Variants in VSNL1 observed in about 807,000 individuals in gnomAD.
The protein encoded by VSNL1 is visinin-like protein 1.
VSNL1 carries 6 observed loss-of-function variants against 20.4 expected under a neutral mutation model. That is an observed-to-expected ratio of 0.29 (90% CI 0.16 to 0.58). The LOEUF (loss-of-function observed/expected upper bound fraction) is 0.58, where lower values mean the gene tolerates loss of function less well. Ranked by LOEUF, VSNL1 falls within the 20% of genes least tolerant of loss-of-function variation. VSNL1 has a pLI of 0.90. For synonymous variants in VSNL1, 93 were observed against 86.4 expected, an observed-to-expected ratio of 1.08 and a Z score of -0.42; for missense variants, 100 against 234.5, an observed-to-expected ratio of 0.43 and a Z score of 3.75.
intron 2 of VSNL1, among the ~76,000 whole-genome samples, chr2:17,624,442 G>A (rs1665457067): frequency 6.6e-6 from 1 of 152,202 alleles, no homozygotes; most frequent in African/African-American, 2.4e-5. Context: ...TATGTTACAT[G>A]GCAAAGGTCA....
chr2:17,606,292 C>A (rs1386682987), intron 2 of VSNL1, among the ~76,000 whole-genome samples: 2 of 145,470 alleles, frequency 1.4e-5, no homozygotes. Context: ...GGATGAAATG[C>A]AGAGAAGTGA....
intron 1 of VSNL1, chr2:17,545,888 C>T (rs573192495): frequency 7.2e-5 from 11 of 152,206 alleles, no homozygotes; most frequent in African/African-American, 2.2e-4. Context: ...ACAATTCTTA[C>T]ACTTTCTCTG....
In VSNL1 at chr2:17,554,818, C is replaced by T. The variant is rs866416179; in HGVS notation, c.-6+13900C>T. On this transcript the variant is annotated intron_variant, in intron 1 of 3. Coordinates refer to ENST00000295156, the MANE Select transcript of VSNL1 (RefSeq NM_003385.5). ...ATCTATTACTAAGTTATATTTTCCTCCATTTTCAATATTGTTTTCTAATAG... is the reference window on the plus strand; with the variant it reads ...ATCTATTACTAAGTTATATTTTCCTTCATTTTCAATATTGTTTTCTAATAG... Among the ~76,000 whole-genome samples, 21 of 152,226 alleles carry T rather than the reference C, an allele frequency of 1.4e-4. No homozygotes were observed. In the South Asian group the frequency reaches 3.3e-3, roughly 24 times the overall value.
chr2:17,609,033 G>A (rs1213756034), intron 2 of VSNL1, among the ~76,000 whole-genome samples: 1 of 152,164 alleles, frequency 6.6e-6, no homozygotes, highest in Non-Finnish European at 1.5e-5. Flanking sequence ...ATTGATGTGG[G>A]TGCCTTAGTT....
intron 1 of VSNL1, among the ~76,000 whole-genome samples, chr2:17,543,440 C>G (rs1207423111): frequency 1.3e-5 from 2 of 152,218 alleles, no homozygotes; most frequent in Non-Finnish European, 2.9e-5. Context: ...ACTGCAGCTG[C>G]AGAGATTAGG....
chr2:17,567,063 C>G (rs1053030178), intron 1 of VSNL1, among the ~76,000 whole-genome samples: 3 of 152,074 alleles, frequency 2.0e-5, no homozygotes, highest in African/African-American at 7.2e-5. Flanking sequence ...TGGTCTTCCT[C>G]AAAGTTGTCT....
At chr2:17,627,886 G>C (rs1038965430) in intron 2 of VSNL1, among the ~76,000 whole-genome samples, 1 of 152,154 alleles carries the variant, frequency 6.6e-6, no homozygotes, top group Non-Finnish European at 1.5e-5. Context: ...TTTTGGGAAG[G>C]GCTATTATAT....
intron 1 of VSNL1, among the ~76,000 whole-genome samples, chr2:17,553,344 C>A (rs904553769): frequency 6.6e-6 from 1 of 152,104 alleles, no homozygotes; most frequent in Non-Finnish European, 1.5e-5. Flanking sequence ...GAAATTATCT[C>A]AAATTCAGAA....
intron 1 of VSNL1, among the ~76,000 whole-genome samples, chr2:17,551,320 A>G (rs1002769029): frequency 6.6e-6 from 1 of 152,212 alleles, no homozygotes; most frequent in African/African-American, 2.4e-5. Context: ...TTGAAATCCT[A>G]GTTAAGGAAA....
chr2:17,623,808 TC>T (rs1054657488), intron 2 of VSNL1, among the ~76,000 whole-genome samples: 3 of 152,100 alleles, frequency 2.0e-5, no homozygotes, highest in African/African-American at 7.2e-5. Context: ...TAAATTCAGA[TC>T]CTCTCCTTCC....
At chr2:17,550,236 C>G (rs1431619600) in intron 1 of VSNL1, among the ~76,000 whole-genome samples, 2 of 152,074 alleles carry the variant, frequency 1.3e-5, no homozygotes, top group Non-Finnish European at 2.9e-5. Context: ...TAAAATATGT[C>G]CCCTGTCTTC....
intron 2 of VSNL1, among the ~76,000 whole-genome samples, chr2:17,596,684 C>T (rs1251880115): frequency 6.6e-6 from 1 of 152,162 alleles, no homozygotes; most frequent in Non-Finnish European, 1.5e-5. Flanking sequence ...AGATTATTTT[C>T]ATCAGGAAAC....
At chr2:17,592,491 G>T (rs1558292675) in intron 2 of VSNL1, among the ~76,000 whole-genome samples, 1 of 152,102 alleles carries the variant, frequency 6.6e-6, no homozygotes, top group Admixed American at 6.6e-5. Context: ...ACAGCATCTG[G>T]TGAAAGAACC....
chr2:17,568,846 ATTAG>A (rs1220014511), intron 1 of VSNL1, among the ~76,000 whole-genome samples: 2 of 152,160 alleles, frequency 1.3e-5, no homozygotes, highest in Non-Finnish European at 2.9e-5. Flanking sequence ...GTATATAATT[ATTAG>A]TTGATTTTTT....
chr2:17,649,377 C>T lies in VSNL1; in HGVS notation c.163-33C>T. On this transcript the variant is annotated intron_variant, in intron 2 of 3. Coordinates refer to ENST00000295156, the MANE Select transcript of VSNL1 (RefSeq NM_003385.5). This position sits in a 1 kb window ranked among gnomAD's most constrained non-coding sequence, Gnocchi z 6.4. ...CTCGTCGCCCCGATTCCATCCCCTC[C>T]CGACACCTGACTGCGCGTGTTCTCC... 6.2e-7 allele frequency: 1 copy of T among 1,609,464 alleles called. No individual in the cohort carries two copies.
chr2:17,588,718 T>G (rs1485794014), intron 1 of VSNL1, among the ~76,000 whole-genome samples: 3 of 152,212 alleles, frequency 2.0e-5, no homozygotes, highest in Non-Finnish European at 4.4e-5. Context: ...ATTTTAATGA[T>G]GAAGACAATC....
At chr2:17,542,745 G>C (rs1159179296) in intron 1 of VSNL1, among the ~76,000 whole-genome samples, 1 of 152,108 alleles carries the variant, frequency 6.6e-6, no homozygotes, top group Admixed American at 6.5e-5. Context: ...TGATAAAGAG[G>C]GGTGGTAGAG....
intron 1 of VSNL1, among the ~76,000 whole-genome samples, chr2:17,558,335 G>A (rs1663736952): frequency 6.6e-6 from 1 of 152,132 alleles, no homozygotes; most frequent in Non-Finnish European, 1.5e-5. Flanking sequence ...TGTAGATAAT[G>A]ATACCTATGT....
intron 1 of VSNL1, among the ~76,000 whole-genome samples, chr2:17,560,875 A>G (rs1363493199): frequency 6.6e-6 from 1 of 152,206 alleles, no homozygotes; most frequent in Non-Finnish European, 1.5e-5. Context: ...ACTGAGATTC[A>G]GATTGCAACA....
Sources: allele counts gnomAD v4.1 joint callset (sites outside exome capture counted in the v4.1 genomes callset), GRCh38; gene constraint gnomAD v4.1.1; non-coding constraint Gnocchi (gnomAD v3.1); transcripts MANE v1.5; gene names NCBI Gene and HGNC (gene_info 2026-07-23, HGNC 2026-07-21).